ZNF692: variants seen among roughly 807,000 people sequenced by gnomAD.
ZNF692 encodes AICAR responsive element binding protein.
A neutral mutation model predicts 49.0 loss-of-function variants in ZNF692; 41 were observed. The ratio of observed to expected loss-of-function variants is 0.84; its 90% CI spans 0.65 to 1.08. The LOEUF is 1.08. Among genes scored for constraint, ZNF692 ranks in the 50% least tolerant of loss-of-function variants. The pLI, the probability that ZNF692 is intolerant of heterozygous loss-of-function variation, is 0.00. For missense variants in ZNF692, 662 were observed against 662.2 expected, an observed-to-expected ratio of 1.00 and a Z score of 0.00; for synonymous variants, 288 against 251.5, an observed-to-expected ratio of 1.15 and a Z score of -1.37.
At position 248,858,761 on chromosome 1, in the gene ZNF692, G is replaced by T; in HGVS notation, c.-13+157C>A. The T allele has an allele frequency of 3.2e-6, 2 of 619,990 alleles. No individual in the cohort carries two copies. The highest frequency in any genetic ancestry group is 5.7e-6 in the Non-Finnish European group (2 of 348,154). The allele number at this position is 619,990 out of a possible 1,614,324, so 38.4% of individuals were successfully genotyped here. A position where few individuals can be genotyped will look rare whatever the true frequency, so the allele number is the denominator to read the frequency against. On this transcript the variant is annotated intron_variant, in intron 1 of 11. Coordinates refer to ENST00000306601, the MANE Select transcript of ZNF692 (RefSeq NM_017865.4). The surrounding 1 kb of genome is among the most constrained non-coding windows in gnomAD (Gnocchi z 4.3). Reference sequence around the variant, plus strand: ...GCTCTTCATAGTTGGGTCGAGTGGCGGTGAGGCCGTGGTCAGAGGTCTGGA... The same window carrying T: ...GCTCTTCATAGTTGGGTCGAGTGGCTGTGAGGCCGTGGTCAGAGGTCTGGA...
intron 10 of ZNF692, 35 bp from the exon 11 acceptor site, chr1:248,850,816 C>T (rs45612039): frequency 1.3e-6 from 2 of 1,598,678 alleles, no homozygotes; most frequent in South Asian, 2.2e-5. Flanking sequence ...AGCATCTGCC[C>T]CCACCCTGTG....
chr1:248,850,405 C>G lies in ZNF692; in HGVS notation c.1365G>C (p.Lys455Asn). The G allele has an allele frequency of 6.2e-7, 1 of 1,614,172 alleles. No homozygotes were observed. Among genetic ancestry groups the G allele is most frequent in the East Asian group, 2.2e-5 (1 of 44,892 alleles). Residue 455 changes from lysine (K) to asparagine (N), a missense_variant, in exon 12 of 12, where the codon AAG (lysine) becomes AAC (asparagine). Transcript: ENST00000306601. The part of the protein sequence containing the change: ...ALRFPCEFCG[K>N]RFEKPDSVAA... ...CAACACTGTCTGGCTTCTCAAAGCGCTTGCCGCAGAATTCACAGGGGAAGC... is the reference window on the plus strand; with the variant it reads ...CAACACTGTCTGGCTTCTCAAAGCGGTTGCCGCAGAATTCACAGGGGAAGC...
chr1:248,852,016 T>TG, intron 10 of ZNF692, among the ~76,000 whole-genome samples: 1 of 152,356 alleles, frequency 6.6e-6, no homozygotes, highest in South Asian at 2.1e-4. Context: ...CAACTGTACT[T>TG]GCTTGGTTAA....
rs1346489842 is a variant in ZNF692, at chr1:248,850,679, C to G, written c.1253+3G>C. On this transcript the variant is annotated splice_donor_region_variant and intron_variant, in intron 11 of 11. Transcript: ENST00000306601. ...GGCCCTCAGACCCCACCCCAGCACT[C>G]ACTGCAGGGGTTTTTCTCCAGTGTG... The G allele has an allele frequency of 6.2e-7, 1 of 1,613,522 alleles. No homozygotes were observed. Among genetic ancestry groups the G allele is most frequent in the South Asian group, 1.1e-5 (1 of 91,072 alleles).
rs766244520 is a variant in ZNF692, at chr1:248,854,018, A to C, written c.1072T>G (p.Ser358Ala). The C allele has an allele frequency of 1.2e-6, 2 of 1,614,034 alleles. No homozygotes were observed. The highest frequency in any genetic ancestry group is 3.3e-5 in the Admixed American group (2 of 60,002). The change falls in exon 10 of 12, where the codon TCT becomes GCT. Residue 358 changes from serine (S) to alanine (A), a missense_variant. Coordinates refer to ENST00000306601, the MANE Select transcript of ZNF692 (RefSeq NM_017865.4). ...CAGGCTGGCTCTGGGCAGGAGAAAG[A>C]CTTCTGGTGGATGTGCTGGTACTTT... ...HKKYQHIHQK[S>A]FSCPEPACGK...
At chr1:248,856,863 T>G (rs1385840000) in intron 4 of ZNF692, among the ~76,000 whole-genome samples, 1 of 152,104 alleles carries the variant, frequency 6.6e-6, no homozygotes, top group African/African-American at 2.4e-5. Context: ...AGAGATGATA[T>G]TCACATAGTT....
chr1:248,850,342 T>C lies in ZNF692; in HGVS notation c.1428A>G (p.Leu476=). 1.2e-6 allele frequency: 2 copies of C among 1,614,034 alleles called. No homozygotes were observed. The highest frequency in any genetic ancestry group is 1.3e-5 in the African/African-American group (1 of 75,052). Residue 476 remains leucine (L), a synonymous_variant, in exon 12 of 12, where the codon CTA becomes CTG. Transcript: ENST00000306601. The part of the protein sequence containing the change: ...HRSKSHPALL[L]APQESPSGPL... ...GACCACTGGGTGACTCTTGAGGGGC[T>C]AGAAGCAGGGCTGGGTGACTTTTGC...
intron 2 of ZNF692, 98 bp from the exon 3 acceptor site, chr1:248,857,957 T>G: frequency 1.3e-6 from 2 of 1,566,220 alleles, no homozygotes; most frequent in Non-Finnish European, 1.7e-6. Flanking sequence ...AGGGCCGCTA[T>G]TCGCTGAGAC....
rs561879981 is a variant in ZNF692, at chr1:248,856,474, C to T, written c.524+40G>A. 6.2e-6 allele frequency: 10 copies of T among 1,614,236 alleles called. No individual in the cohort carries two copies. In the African/African-American group the frequency reaches 1.2e-4, roughly 19 times the overall value. Reference sequence around the variant, plus strand: ...AGGTCCTGCTCCCTCATCCTCCCACCTATGCAATTCCGCCTTTTCTCTCCT... The same window carrying T: ...AGGTCCTGCTCCCTCATCCTCCCACTTATGCAATTCCGCCTTTTCTCTCCT... On this transcript the variant is annotated intron_variant, in intron 5 of 11. Coordinates refer to ENST00000306601, the MANE Select transcript of ZNF692 (RefSeq NM_017865.4).
Position 248,857,504 on chromosome 1 carries a change from G to C in ZNF692, c.212-7C>G. 6.2e-7 allele frequency: 1 copy of C among 1,608,748 alleles called. No individual in the cohort carries two copies. The highest frequency in any genetic ancestry group is 8.5e-7 in the Non-Finnish European group (1 of 1,176,832). ...GGAGGCAAAGGCTCAGGACCTGGAG[G>C]GGTGGGGGAAGCAGTCAGGCTGAAC... is the stretch of plus-strand genomic sequence containing the variant. On this transcript the variant is annotated splice_region_variant and splice_polypyrimidine_tract_variant and intron_variant, in intron 3 of 11. Coordinates refer to ENST00000306601, the MANE Select transcript of ZNF692 (RefSeq NM_017865.4).
rs1348867724 is a variant in ZNF692 at position 248,857,458 on chromosome 1, A to T, written c.251T>A (p.Val84Glu). ...TCGGCTGTGGGCATGAGACAAGAGC[A>T]CCAGATACTGCAGACCTTTTGGAGG... ...PLPPKGLQYL[V>E]LLSHAHSREC... The change falls in exon 4 of 12, where the codon GTG becomes GAG. Residue 84 changes from valine (V) to glutamate (E), a missense_variant. By Grantham distance (121) the Val-to-Glu change is moderately radical (BLOSUM62 -2). Transcript: ENST00000306601. 6.2e-7 allele frequency: 1 copy of T among 1,613,912 alleles called. No homozygotes were observed. Among genetic ancestry groups the T allele is most frequent in the Non-Finnish European group, 8.5e-7 (1 of 1,180,008 alleles).
At position 248,855,386 on chromosome 1, in the gene ZNF692, A is replaced by T; in HGVS notation, c.1032T>A (p.Tyr344Ter). 6.2e-7 allele frequency: 1 copy of T among 1,614,026 alleles called. No homozygotes were observed. The highest frequency in any genetic ancestry group is 8.5e-7 in the Non-Finnish European group (1 of 1,180,000). Residue 344 changes from tyrosine to a stop codon, truncating the protein, a stop_gained, in exon 9 of 12, where the codon TAT becomes TAA. Coordinates refer to ENST00000306601, the MANE Select transcript of ZNF692 (RefSeq NM_017865.4). LOFTEE classifies it high-confidence loss of function. ...CCCAACCTGTGCCCCTCACATTCAA[A>T]TACTGCCGGTTGGAGAAGATCCTTC... ...GCGRIFSNRQ[Y>*]LNHHKKYQHI...
chr1:248,857,291 G>A lies in ZNF692; in HGVS notation c.418C>T (p.Pro140Ser). 6.2e-7 allele frequency: 1 copy of A among 1,613,674 alleles called. No individual in the cohort carries two copies. Among genetic ancestry groups the A allele is most frequent in the East Asian group, 2.2e-5 (1 of 44,874 alleles). The change falls in exon 4 of 12, where the codon CCA (proline) becomes TCA (serine). Residue 140 changes from proline to serine, a missense_variant. Coordinates refer to ENST00000306601, the MANE Select transcript of ZNF692 (RefSeq NM_017865.4). ...CACCAACTTCTCCGAGTAGTATGTGGAAGGGAGGCTGGCTTGGGTGCCTCT... is the reference window on the plus strand; with the variant it reads ...CACCAACTTCTCCGAGTAGTATGTGAAAGGGAGGCTGGCTTGGGTGCCTCT... ...PSEAPKPASL[P>S]HTTRRSWCSE... is the part of the protein sequence containing the mutation.
In ZNF692 at chr1:248,850,786, A is replaced by T; in HGVS notation, c.1154-5T>A. The T allele has an allele frequency of 6.2e-7, 1 of 1,613,932 alleles. No individual in the cohort carries two copies. Among genetic ancestry groups the T allele is most frequent in the East Asian group, 2.2e-5 (1 of 44,882 alleles). On this transcript the variant is annotated splice_polypyrimidine_tract_variant and splice_region_variant and intron_variant, in intron 10 of 11. Coordinates refer to ENST00000306601, the MANE Select transcript of ZNF692 (RefSeq NM_017865.4). ...CACAGATGTAGTCCCGGGTGTCTGC[A>T]GGCATATGAGGGACACTCCAGCATC... is the stretch of plus-strand genomic sequence containing the variant.
intron 6 of ZNF692, 45 bp downstream of exon 6, chr1:248,856,243 G>A: frequency 6.5e-7 from 1 of 1,537,620 alleles, no homozygotes; most frequent in Non-Finnish European, 8.7e-7. Flanking sequence ...CAGGCCAGCT[G>A]CCTCCCTCTC....
At chr1:248,856,021 T>C in intron 6 of ZNF692, 75 bp from the exon 7 acceptor site, 1 of 1,472,208 alleles carries the variant, frequency 6.8e-7, no homozygotes, top group East Asian at 2.4e-5. Context: ...CCCTAGCCCC[T>C]AAACTGAAAA....
intron 4 of ZNF692, among the ~76,000 whole-genome samples, chr1:248,856,778 G>A (rs1462125335): frequency 1.3e-5 from 2 of 152,146 alleles, no homozygotes; most frequent in African/African-American, 2.4e-5. Flanking sequence ...GTGAACCACT[G>A]CACCCAGGCA....
chr1:248,853,115 C>T (rs1302477999), intron 10 of ZNF692, among the ~76,000 whole-genome samples: 2 of 152,196 alleles, frequency 1.3e-5, no homozygotes, highest in African/African-American at 4.8e-5. Flanking sequence ...CCTTCCCACT[C>T]GACTGCAGCC....
intron 10 of ZNF692, among the ~76,000 whole-genome samples, chr1:248,852,520 C>G (rs1659720503): frequency 6.6e-6 from 1 of 152,174 alleles, no homozygotes; most frequent in African/African-American, 2.4e-5. Context: ...GAGCCCACAG[C>G]CTTCCAGCTG....
Sources: gnomAD v4.1 joint callset for allele counts (sites outside exome capture counted in the v4.1 genomes callset) on GRCh38, gnomAD v4.1.1 for gene constraint, Gnocchi (gnomAD v3.1) non-coding constraint, MANE v1.5 for transcripts, NCBI Gene and HGNC (gene_info 2026-07-23, HGNC 2026-07-21) for gene names.